The following ANK2 variants were observed in gnomAD, a reference collection of about 807,000 sequenced individuals.
The protein encoded by ANK2 is ankyrin-2.
A neutral mutation model predicts 360.5 loss-of-function variants in ANK2; 83 were observed. The ratio of observed to expected loss-of-function variants is 0.23; its 90% CI spans 0.19 to 0.28. The LOEUF is 0.28. Among genes scored for constraint, ANK2 ranks in the 10% least tolerant of loss-of-function variants. ANK2 has a pLI of 1.00. For synonymous variants in ANK2, 1,740 were observed against 1,759.5 expected (o/e 0.99, Z 0.28); for missense variants, 4,201 against 4,795.7 (o/e 0.88, Z 3.66).
chr4:113,224,879 T>G (rs1231899046), intron 4 of ANK2, among the ~76,000 whole-genome samples: 1 of 142,798 alleles, frequency 7.0e-6, no homozygotes. Flanking sequence ...CTTTGAAGTT[T>G]TTTTTTTTTT....
At chr4:113,004,180 C>G (rs948052667) in intron 2 of ANK2, among the ~76,000 whole-genome samples, 2 of 152,082 alleles carry the variant, frequency 1.3e-5, no homozygotes, top group Non-Finnish European at 2.9e-5. Context: ...AAAAGCTTTT[C>G]TTTCTTCGAT....
At chr4:112,860,199 A>G (rs1271880361) in intron 1 of ANK2, among the ~76,000 whole-genome samples, 2 of 152,050 alleles carry the variant, frequency 1.3e-5, no homozygotes, top group Non-Finnish European at 2.9e-5. Context: ...ATGGGACCTA[A>G]GTTTTTATTG....
chr4:113,021,490 T>C (rs1180282796), intron 2 of ANK2, among the ~76,000 whole-genome samples: 1 of 145,692 alleles, frequency 6.9e-6, no homozygotes, highest in African/African-American at 2.5e-5. Flanking sequence ...CGTATGTGTA[T>C]GTGTATGTAT....
At chr4:112,888,440 T>TGG (rs758591945) in intron 1 of ANK2, among the ~76,000 whole-genome samples, 1 of 152,162 alleles carries the variant, frequency 6.6e-6, no homozygotes, top group Non-Finnish European at 1.5e-5. Context: ...TTTTTTGTAT[T>TGG]CTGAAAATAA....
rs574965672 is a variant in ANK2, at chr4:113,106,611, A to G, written c.84+56799A>G. Among the ~76,000 whole-genome samples, 9 of 152,266 alleles carry G rather than the reference A, an allele frequency of 5.9e-5. No homozygotes were observed. In the East Asian group the frequency reaches 1.4e-3, roughly 23 times the overall value. Reference sequence around the variant, plus strand: ...AAGCAGAATGATGCCCAAGTTATAGAAGTTCCTCTTCCTGGATTTTGTCTT... The same window carrying G: ...AAGCAGAATGATGCCCAAGTTATAGGAGTTCCTCTTCCTGGATTTTGTCTT... On this transcript the variant is annotated intron_variant, in intron 1 of 45. Transcript: ENST00000357077.
chr4:112,808,158 C>T, the ANK2 span, among the ~76,000 whole-genome samples: 2 of 152,314 alleles, frequency 1.3e-5, no homozygotes, highest in East Asian at 3.9e-4. Context: ...TTAATAACAG[C>T]TGAGTGTCCA....
At chr4:113,223,706 A>G (rs1228118067) in intron 4 of ANK2, among the ~76,000 whole-genome samples, 3 of 152,196 alleles carry the variant, frequency 2.0e-5, no homozygotes, top group Non-Finnish European at 4.4e-5. Context: ...GTAAGACTGT[A>G]TTAGACTTTA....
chr4:112,892,229 A>G (rs1159701744), intron 1 of ANK2, among the ~76,000 whole-genome samples: 1 of 152,220 alleles, frequency 6.6e-6, no homozygotes, highest in Non-Finnish European at 1.5e-5. Flanking sequence ...CACAAATGCT[A>G]TCTACACAAA....
chr4:113,293,382 G>C, intron 21 of ANK2, 58 bp from the exon 22 acceptor site: 1 of 1,467,084 alleles, frequency 6.8e-7, no homozygotes, highest in Non-Finnish European at 9.5e-7. Context: ...GAGCTCATTG[G>C]CTCACATCGC....
the ANK2 span, among the ~76,000 whole-genome samples, chr4:112,782,053 C>T: frequency 1.2e-3 from 183 of 152,242 alleles, 2 homozygotes; most frequent in Middle Eastern, 3.4e-3. Context: ...TAGTCTCGAA[C>T]TCCTGACCTC....
intron 15 of ANK2, among the ~76,000 whole-genome samples, chr4:113,275,398 T>A (rs2059869321): frequency 6.6e-6 from 1 of 152,244 alleles, no homozygotes; most frequent in East Asian, 1.9e-4. Flanking sequence ...CCAGTGCAAG[T>A]GAATTTGTCA....
intron 1 of ANK2, among the ~76,000 whole-genome samples, chr4:112,820,083 G>A (rs1174269909): frequency 6.6e-6 from 1 of 152,206 alleles, no homozygotes; most frequent in Non-Finnish European, 1.5e-5. Flanking sequence ...ACCCATTTAT[G>A]GGGGTTTTAG....
rs574008105 is a variant in ANK2 at position 113,197,497 on chromosome 4, TG to T, written c.285+1032del. On this transcript the variant is annotated intron_variant, in intron 3 of 45. Transcript: ENST00000357077. Reference sequence around the variant, plus strand: ...AAGTCTGCTGACCAAGCCTTGAATGTGATAATATGGCTGTGGAAGATGTAGA... The same window carrying T: ...AAGTCTGCTGACCAAGCCTTGAATGTATAATATGGCTGTGGAAGATGTAGA... 1.6e-3 allele frequency among the ~76,000 whole-genome samples: 239 copies of T among 152,304 alleles called. 1 individual carries two copies. Among genetic ancestry groups the T allele is most frequent in the Non-Finnish European group, 1.5e-3 (99 of 68,022 alleles).
At chr4:113,036,468 C>A (rs757724141) in intron 2 of ANK2, among the ~76,000 whole-genome samples, 10 of 151,942 alleles carry the variant, frequency 6.6e-5, no homozygotes, top group Non-Finnish European at 1.3e-4. Context: ...TGCTGACCTT[C>A]AGCCATTGCT....
At position 113,353,956 on chromosome 4, in the gene ANK2, G is replaced by A; in HGVS notation, c.5338G>A (p.Glu1780Lys). 6.2e-7 allele frequency: 1 copy of A among 1,614,056 alleles called. No homozygotes were observed. The highest frequency in any genetic ancestry group is 8.5e-7 in the Non-Finnish European group (1 of 1,179,950). ...GGCCCTTCAGAAGCGAGTGGAAGAT[G>A]AACAGAAAGGTCGAAGCAAGTTGCC... ...VKALQKRVED[E>K]QKGRSKLPIR... Residue 1780 changes from glutamate to lysine, a missense_variant, in exon 38 of 46, where the codon GAA (glutamate) becomes AAA (lysine). Glu to Lys is a moderately conservative substitution (Grantham distance 56). Coordinates refer to ENST00000357077, the MANE Select transcript of ANK2 (RefSeq NM_001148.6).
the ANK2 span, among the ~76,000 whole-genome samples, chr4:112,767,418 G>T: frequency 6.6e-6 from 1 of 151,924 alleles, no homozygotes; most frequent in Non-Finnish European, 1.5e-5. Flanking sequence ...AACATTAGCC[G>T]GGTGTGGTGG....
intron 18 of ANK2, among the ~76,000 whole-genome samples, chr4:113,283,828 A>G (rs2063346890): frequency 6.6e-6 from 1 of 152,234 alleles, no homozygotes; most frequent in Non-Finnish European, 1.5e-5. Flanking sequence ...TTCCATAAAT[A>G]TACAAATACT....
At chr4:113,097,849 T>C (rs200864384) in intron 1 of ANK2, among the ~76,000 whole-genome samples, 2,272 of 27,916 alleles carry the variant, frequency 0.081, 59 homozygotes, top group East Asian at 0.29. Flanking sequence ...TATGTGTGTG[T>C]GTGTGTGTGT....
At chr4:112,806,215 C>T in the ANK2 span, among the ~76,000 whole-genome samples, 1 of 152,140 alleles carries the variant, frequency 6.6e-6, no homozygotes, top group Non-Finnish European at 1.5e-5. Context: ...CCTCACACTA[C>T]CCTTCCTAGC....
Sources: allele counts gnomAD v4.1 joint callset (sites outside exome capture counted in the v4.1 genomes callset), GRCh38; gene constraint gnomAD v4.1.1; transcripts MANE v1.5; gene names NCBI Gene and HGNC (gene_info 2026-07-23, HGNC 2026-07-21).